BCKDHB: variants seen among roughly 807,000 people sequenced by gnomAD.
The protein encoded by BCKDHB is branched chain keto acid dehydrogenase E1 subunit beta.
A neutral mutation model predicts 48.5 loss-of-function variants in BCKDHB; 41 were observed. The observed-to-expected ratio is 0.85, with a 90% CI of 0.66 to 1.10. The LOEUF is 1.10. BCKDHB is among the 50% of genes least tolerant of loss of function. The pLI, the probability that BCKDHB is intolerant of heterozygous loss-of-function variation, is 0.00. For synonymous variants in BCKDHB, 201 were observed against 174.8 expected, an observed-to-expected ratio of 1.15 and a Z score of -1.18; for missense variants, 496 against 494.2, an observed-to-expected ratio of 1.00 and a Z score of -0.03.
At chr6:80,439,398 T>G in the BCKDHB span, among the ~76,000 whole-genome samples, 1 of 152,210 alleles carries the variant, frequency 6.6e-6, no homozygotes, top group Non-Finnish European at 1.5e-5. Flanking sequence ...GCAATGTTTA[T>G]ATATATGAGC....
chr6:80,181,957 G>C (rs986366163), intron 6 of BCKDHB, among the ~76,000 whole-genome samples: 1 of 152,092 alleles, frequency 6.6e-6, no homozygotes, highest in African/African-American at 2.4e-5. Context: ...TCTAACTACT[G>C]TTGACTTTTT....
intron 9 of BCKDHB, among the ~76,000 whole-genome samples, chr6:80,337,703 GA>G (rs1769667006): frequency 6.6e-6 from 1 of 151,942 alleles, no homozygotes; most frequent in African/African-American, 2.4e-5. Context: ...ATGATTACAT[GA>G]AATAACCTGG....
chr6:80,159,286 A>AT (rs1327437898), intron 3 of BCKDHB, among the ~76,000 whole-genome samples: 1 of 125,392 alleles, frequency 8.0e-6, no homozygotes, highest in African/African-American at 2.5e-5. Context: ...AACTTAAAGT[A>AT]TAAAAAAACC....
At chr6:80,310,535 C>CTGT (rs1444531467) in intron 9 of BCKDHB, among the ~76,000 whole-genome samples, 1 of 152,136 alleles carries the variant, frequency 6.6e-6, no homozygotes, top group South Asian at 2.1e-4. Context: ...CATGTGTTTG[C>CTGT]TATTGTGAAT....
the BCKDHB span, among the ~76,000 whole-genome samples, chr6:80,406,646 A>C: frequency 6.6e-6 from 1 of 152,106 alleles, no homozygotes; most frequent in Non-Finnish European, 1.5e-5. Context: ...TGGCTGCATA[A>C]ATGTCTTCTT....
chr6:80,286,497 T>C (rs16891642), intron 9 of BCKDHB, among the ~76,000 whole-genome samples: 9,383 of 152,280 alleles, frequency 0.062, 969 homozygotes, highest in African/African-American at 0.21. Flanking sequence ...TCACATTATA[T>C]GTTAAAAGAT....
Position 80,171,280 on chromosome 6 carries a change from A to T in BCKDHB, c.634-2A>T. The T allele has an allele frequency of 6.3e-7, 1 of 1,593,176 alleles. No individual in the cohort carries two copies. Among genetic ancestry groups the T allele is most frequent in the Non-Finnish European group, 8.6e-7 (1 of 1,164,282 alleles). On this transcript the variant is annotated splice_acceptor_variant, in intron 5 of 9. Coordinates refer to ENST00000320393, the MANE Select transcript of BCKDHB (RefSeq NM_183050.4). LOFTEE classifies it high-confidence loss of function. ...TTGTCTTAAAAAAATCTGTTTTTGC[A>T]GGTGGTTATACCCAGAAGCCCTTTC... is the stretch of plus-strand genomic sequence containing the variant.
the BCKDHB span, among the ~76,000 whole-genome samples, chr6:80,461,643 T>G: frequency 6.6e-6 from 1 of 152,166 alleles, no homozygotes; most frequent in Admixed American, 6.6e-5. Context: ...TCTCTCTAGC[T>G]TTAGTGTTTT....
At chr6:80,252,341 C>T (rs1776870263) in intron 8 of BCKDHB, among the ~76,000 whole-genome samples, 2 of 152,162 alleles carry the variant, frequency 1.3e-5, no homozygotes, top group Admixed American at 1.3e-4. Flanking sequence ...AATGTTATCG[C>T]TCAGATCATT....
chr6:80,187,313 A>G (rs1467031166), intron 6 of BCKDHB, among the ~76,000 whole-genome samples: 2 of 152,184 alleles, frequency 1.3e-5, no homozygotes, highest in Non-Finnish European at 2.9e-5. Context: ...TGTTATTAAA[A>G]GTTGTTGCTA....
intron 9 of BCKDHB, among the ~76,000 whole-genome samples, chr6:80,319,685 GAT>G (rs1487817502): frequency 6.6e-6 from 1 of 152,130 alleles, no homozygotes; most frequent in Non-Finnish European, 1.5e-5. Context: ...TTTCCAATAA[GAT>G]AATTTATAAT....
intron 3 of BCKDHB, among the ~76,000 whole-genome samples, chr6:80,148,559 A>T (rs1475445260): frequency 3.9e-5 from 6 of 152,116 alleles, no homozygotes; most frequent in Admixed American, 2.6e-4. Flanking sequence ...GAATGATTAT[A>T]GCAATTATCA....
chr6:80,430,125 TG>T, the BCKDHB span, among the ~76,000 whole-genome samples: 5 of 152,234 alleles, frequency 3.3e-5, no homozygotes, highest in Non-Finnish European at 5.9e-5. Context: ...GAGATAATCA[TG>T]TGGTTTTTGT....
chr6:80,396,218 A>G, the BCKDHB span, among the ~76,000 whole-genome samples: 3 of 152,210 alleles, frequency 2.0e-5, no homozygotes, highest in Non-Finnish European at 2.9e-5. Flanking sequence ...TTGTGCCTGG[A>G]AAAGCCACAG....
intron 9 of BCKDHB, among the ~76,000 whole-genome samples, chr6:80,326,715 C>T (rs1279970030): frequency 1.3e-5 from 2 of 152,054 alleles, no homozygotes; most frequent in African/African-American, 4.8e-5. Context: ...TGGTGAAACT[C>T]CATCTCTACT....
At chr6:80,391,175 ATATG>A in the BCKDHB span, among the ~76,000 whole-genome samples, 10 of 144,012 alleles carry the variant, frequency 6.9e-5, no homozygotes, top group Non-Finnish European at 1.5e-4. Flanking sequence ...ATGCATATAT[ATATG>A]TGTGTGTGTG....
intron 9 of BCKDHB, among the ~76,000 whole-genome samples, chr6:80,304,542 A>G (rs994219246): frequency 6.6e-5 from 10 of 152,128 alleles, no homozygotes; most frequent in African/African-American, 2.4e-4. Context: ...CTGGAGCTCA[A>G]TGTTTTATAC....
chr6:80,204,663 C>G (rs938840079), intron 8 of BCKDHB, among the ~76,000 whole-genome samples: 1 of 151,676 alleles, frequency 6.6e-6, no homozygotes, highest in Non-Finnish European at 1.5e-5. Flanking sequence ...ATTTACGTAT[C>G]TATCTATATA....
chr6:80,422,815 A>T, the BCKDHB span, among the ~76,000 whole-genome samples: 2 of 152,196 alleles, frequency 1.3e-5, no homozygotes. Context: ...GTATCTAGGA[A>T]GTAAAAAACT....
Sources: allele counts gnomAD v4.1 joint callset (sites outside exome capture counted in the v4.1 genomes callset), GRCh38; gene constraint gnomAD v4.1.1; transcripts MANE v1.5; gene names NCBI Gene and HGNC (gene_info 2026-07-23, HGNC 2026-07-21).